ATP2B1: variants seen among roughly 807,000 people sequenced by gnomAD.
The protein encoded by ATP2B1 is plasma membrane calcium-transporting ATPase 1.
In ATP2B1, 14 loss-of-function variants were observed where a neutral mutation model predicts 124.2. The observed-to-expected ratio is 0.11, with a 90% confidence interval of 0.07 to 0.18. The LOEUF (loss-of-function observed/expected upper bound fraction) is 0.18, where lower values mean the gene tolerates loss of function less well. Among genes scored for constraint, ATP2B1 ranks in the 10% least tolerant of loss-of-function variants. The probability of loss-of-function intolerance (pLI) is 1.00; values close to 1 mark genes in which losing one functional copy is unlikely to be tolerated. For synonymous variants in ATP2B1, 449 were observed against 492.4 expected (o/e 0.91, Z 1.17); for missense variants, 763 against 1,466.1 (o/e 0.52, Z 7.83).
chr12:89,662,025 T>C (rs773432383), intron 1 of ATP2B1, among the ~76,000 whole-genome samples: 8 of 152,180 alleles, frequency 5.3e-5, no homozygotes, highest in Non-Finnish European at 8.8e-5. Flanking sequence ...TACCACATAA[T>C]TGAGCCTAAA....
At chr12:89,677,967 T>C (rs200888734) in intron 1 of ATP2B1, among the ~76,000 whole-genome samples, 8,137 of 53,646 alleles carry the variant, frequency 0.15, 400 homozygotes, top group Non-Finnish European at 0.19. Context: ...TATATATATA[T>C]ATATACACAC....
At chr12:89,709,127 G>C (rs1370873670), upstream of ATP2B1, 1 of 150,870 alleles carries the variant, frequency 6.6e-6, no homozygotes, top group East Asian at 1.9e-4. Context: ...GGCCGAGCAC[G>C]AGGGGGCTGC....
At chr12:89,595,818 C>T (rs1305016919) in intron 20 of ATP2B1, among the ~76,000 whole-genome samples, 1 of 151,968 alleles carries the variant, frequency 6.6e-6, no homozygotes, top group East Asian at 1.9e-4. Flanking sequence ...TGATTTACTC[C>T]CTGGATAACT....
At chr12:89,690,252 T>C (rs963411946) in intron 1 of ATP2B1, among the ~76,000 whole-genome samples, 1 of 152,128 alleles carries the variant, frequency 6.6e-6, no homozygotes, top group African/African-American at 2.4e-5. Flanking sequence ...GCTTAAAACA[T>C]TTGCTCTCCT....
chr12:89,685,288 T>C (rs1889834132), intron 1 of ATP2B1, among the ~76,000 whole-genome samples: 2 of 152,148 alleles, frequency 1.3e-5, no homozygotes, highest in South Asian at 4.1e-4. Context: ...AAGGATCTCT[T>C]CAACTCACTG....
intron 1 of ATP2B1, among the ~76,000 whole-genome samples, chr12:89,659,472 T>C (rs1318158007): frequency 6.6e-6 from 1 of 152,130 alleles, no homozygotes; most frequent in African/African-American, 2.4e-5. Context: ...TACTGACATA[T>C]AATCTTTACT....
Position 89,601,447 on chromosome 12 carries a change from C to G in ATP2B1, c.3061-14G>C, listed in dbSNP as rs1875821542. Reference sequence around the variant, plus strand: ...CACAATTATTATCTGGAGGAATAATCAAGAGTAAATTTACTTAAATCTTAA... The same window carrying G: ...CACAATTATTATCTGGAGGAATAATGAAGAGTAAATTTACTTAAATCTTAA... On this transcript the variant is annotated splice_polypyrimidine_tract_variant and intron_variant, in intron 18 of 20. Coordinates refer to ENST00000428670, the MANE Select transcript of ATP2B1 (RefSeq NM_001366521.1). 6.8e-7 allele frequency: 1 copy of G among 1,468,258 alleles called. No homozygotes were observed. Among genetic ancestry groups the G allele is most frequent in the Non-Finnish European group, 9.2e-7 (1 of 1,090,072 alleles). The allele number at this position is 1,468,258 out of a possible 1,614,324, so 91.0% of individuals were successfully genotyped here. A position where few individuals can be genotyped will look rare whatever the true frequency, so the allele number is the denominator to read the frequency against.
intron 20 of ATP2B1, among the ~76,000 whole-genome samples, chr12:89,597,195 A>G (rs985530189): frequency 2.0e-5 from 3 of 152,084 alleles, no homozygotes; most frequent in Admixed American, 6.6e-5. Context: ...CCAGAGAGAG[A>G]GGCATAGTTT....
chr12:89,627,611 T>A, intron 7 of ATP2B1, 67 bp downstream of exon 7: 3 of 1,523,692 alleles, frequency 2.0e-6, no homozygotes, highest in Non-Finnish European at 2.7e-6. Flanking sequence ...TGAATAAATA[T>A]GGTATACAGT....
intron 11 of ATP2B1, among the ~76,000 whole-genome samples, chr12:89,619,775 CTTAT>C (rs1879664858): frequency 6.6e-6 from 1 of 152,072 alleles, no homozygotes; most frequent in Admixed American, 6.5e-5. Flanking sequence ...ATGTAATGAG[CTTAT>C]TTTCCCTATA....
chr12:89,617,120 GA>G, intron 11 of ATP2B1, 81 bp from the exon 12 acceptor site: 1 of 1,008,196 alleles, frequency 9.9e-7, no homozygotes, highest in Non-Finnish European at 1.5e-6. Flanking sequence ...GGCAGGCCTA[GA>G]AATCATGGGA....
In ATP2B1 at chr12:89,591,093, T is replaced by C. The variant is rs1873467124; in HGVS notation, c.3554A>G (p.Lys1185Arg). ...TCCACTGTCAACAGCATTGTTATTTTTGTTGGGAGAGGGTGGAGGACTGGA... is the reference window on the plus strand; with the variant it reads ...TCCACTGTCAACAGCATTGTTATTTCTGTTGGGAGAGGGTGGAGGACTGGA... ...RNSSPPPSPN[K>R]NNNAVDSGIH... The change falls in exon 21 of 21, where the codon AAA becomes AGA. Residue 1185 changes from lysine (K) to arginine (R), a missense_variant. Physicochemically the swap from Lys to Arg is conservative, Grantham distance 26. Around this residue, in one of 7 missense-constraint regions of ATP2B1, gnomAD observed 97 missense variants for 94.7 expected, o/e 1.02. Coordinates refer to ENST00000428670, the MANE Select transcript of ATP2B1 (RefSeq NM_001366521.1). 2 of 1,613,038 alleles carry C rather than the reference T, an allele frequency of 1.2e-6. No homozygotes were observed. The highest frequency in any genetic ancestry group is 2.7e-5 in the African/African-American group (2 of 74,840).
Position 89,591,304 on chromosome 12 carries a change from A to G in ATP2B1, c.3352-9T>C, listed in dbSNP as rs1329754136. Reference sequence around the variant, plus strand: ...GCATTCACCACTCGAATCTGTAAATATCAGAAAATACAGAAATATGTCAGT... The same window carrying G: ...GCATTCACCACTCGAATCTGTAAATGTCAGAAAATACAGAAATATGTCAGT... On this transcript the variant is annotated splice_polypyrimidine_tract_variant and intron_variant, in intron 20 of 20. Coordinates refer to ENST00000428670, the MANE Select transcript of ATP2B1 (RefSeq NM_001366521.1). 6.3e-7 allele frequency: 1 copy of G among 1,596,362 alleles called. No individual in the cohort carries two copies. Among genetic ancestry groups the G allele is most frequent in the Non-Finnish European group, 8.5e-7 (1 of 1,170,568 alleles).
intron 2 of ATP2B1, among the ~76,000 whole-genome samples, chr12:89,645,489 T>G (rs1884303385): frequency 1.3e-5 from 2 of 152,170 alleles, no homozygotes. Flanking sequence ...TACAGACAAG[T>G]ACAATGAAGA....
intron 2 of ATP2B1, among the ~76,000 whole-genome samples, chr12:89,644,383 A>G (rs1232110413): frequency 6.6e-6 from 1 of 152,198 alleles, no homozygotes; most frequent in Non-Finnish European, 1.5e-5. Context: ...ACATTAGAAT[A>G]AATAATGAGA....
At chr12:89,698,924 T>C (rs564295122) in intron 1 of ATP2B1, among the ~76,000 whole-genome samples, 5 of 152,338 alleles carry the variant, frequency 3.3e-5, no homozygotes, top group African/African-American at 1.2e-4. Flanking sequence ...GGTTTTCAAC[T>C]GTATTCCCAG....
chr12:89,692,542 A>T (rs924971974), intron 1 of ATP2B1, among the ~76,000 whole-genome samples: 7 of 152,224 alleles, frequency 4.6e-5, no homozygotes, highest in Non-Finnish European at 1.0e-4. Flanking sequence ...AAATGAATTA[A>T]TAATTACAAA....
intron 1 of ATP2B1, among the ~76,000 whole-genome samples, chr12:89,664,879 C>T (rs1341873953): frequency 1.3e-5 from 2 of 148,310 alleles, no homozygotes; most frequent in Middle Eastern, 3.2e-3. Flanking sequence ...GACAGTGTCT[C>T]GCTCTGTTGC....
intron 1 of ATP2B1, among the ~76,000 whole-genome samples, chr12:89,671,436 T>C (rs929701582): frequency 6.6e-5 from 10 of 152,206 alleles, no homozygotes; most frequent in African/African-American, 2.4e-4. Flanking sequence ...ATTAAAATGT[T>C]GACTACTTAC....
Sources: allele counts gnomAD v4.1 joint callset (sites outside exome capture counted in the v4.1 genomes callset), GRCh38; gene constraint gnomAD v4.1.1; regional missense constraint gnomAD v4.1.1; transcripts MANE v1.5; gene names NCBI Gene and HGNC (gene_info 2026-07-23, HGNC 2026-07-21).